DHRSX: variants seen among roughly 807,000 people sequenced by gnomAD.
The protein encoded by DHRSX is polyprenol dehydrogenase.
Under a neutral mutation model 34.0 loss-of-function variants are expected in DHRSX, and 31 were observed. That is an observed-to-expected ratio of 0.91 (90% CI 0.69 to 1.23). DHRSX has a LOEUF of 1.23. Among genes scored for constraint, DHRSX ranks in the 50% most tolerant of loss-of-function variants. DHRSX has a pLI of 0.00. For synonymous variants in DHRSX, 201 were observed against 183.8 expected (o/e 1.09, Z -0.76); for missense variants, 414 against 428.1 (o/e 0.97, Z 0.29).
chrX:2,272,359 G>A (rs1271955673), intron 4 of DHRSX, among the ~76,000 whole-genome samples: 1 of 152,096 alleles, frequency 6.6e-6, no homozygotes, highest in Non-Finnish European at 1.5e-5. Context: ...CCTGGCTTAT[G>A]CATGCATGGT....
intron 3 of DHRSX, among the ~76,000 whole-genome samples, chrX:2,319,991 G>C (rs746297959): frequency 1.2e-3 from 180 of 151,966 alleles, no homozygotes; most frequent in Non-Finnish European, 2.2e-3. Flanking sequence ...ACCATTCCCA[G>C]CTAATTTTTT....
At chrX:2,291,293 G>A (rs1379875802) in intron 4 of DHRSX, among the ~76,000 whole-genome samples, 3 of 152,118 alleles carry the variant, frequency 2.0e-5, no homozygotes, top group Admixed American at 6.6e-5. Flanking sequence ...ATGTTATCGC[G>A]TTTACCATTA....
chrX:2,372,610 TTG>T (rs748399225), intron 3 of DHRSX, among the ~76,000 whole-genome samples: 264 of 84,590 alleles, frequency 3.1e-3, no homozygotes, highest in African/African-American at 0.011. Context: ...TTTTCCTTCT[TTG>T]TTTTTTTTTT....
Position 2,500,873 on chromosome X carries a change from G to A in DHRSX, c.53C>T (p.Ala18Val), listed in dbSNP as rs1304725327. Residue 18 changes from alanine to valine, a missense_variant, in exon 1 of 7, where the codon GCC (alanine) becomes GTC (valine). Physicochemically the swap from Ala to Val is moderately conservative, Grantham distance 64 (BLOSUM62 0). Coordinates refer to ENST00000334651, the MANE Select transcript of DHRSX (RefSeq NM_145177.3). ...CAGCAGCTGCGCCAGGATCACCGCG[G>A]CGCCTACCGCGTAGACCCGCAGGGC... ...RAALRVYAVG[A>V]AVILAQLLRR... 5.2e-6 allele frequency: 6 copies of A among 1,158,254 alleles called. No homozygotes were observed. Among genetic ancestry groups the A allele is most frequent in the African/African-American group, 1.7e-5 (1 of 60,508 alleles). The allele number at this position is 1,158,254 out of a possible 1,614,324, so 71.7% of individuals were successfully genotyped here.
intron 1 of DHRSX, among the ~76,000 whole-genome samples, chrX:2,443,867 G>A (rs1268826067): frequency 1.3e-5 from 2 of 152,116 alleles, no homozygotes; most frequent in Admixed American, 1.3e-4. Flanking sequence ...TTAGCCGGGT[G>A]TGGTGGCGGA....
intron 3 of DHRSX, among the ~76,000 whole-genome samples, chrX:2,341,356 G>A (rs1367754110): frequency 6.6e-6 from 1 of 152,094 alleles, no homozygotes; most frequent in East Asian, 1.9e-4. Context: ...AAATCGAGGT[G>A]CCTACAGGGA....
intron 3 of DHRSX, among the ~76,000 whole-genome samples, chrX:2,299,053 C>T (rs187632597): frequency 4.0e-5 from 6 of 150,162 alleles, no homozygotes; most frequent in Admixed American, 2.0e-4. Context: ...TCATTGTCTG[C>T]GACAAATCCA....
At chrX:2,262,492 A>C (rs2041377318) in intron 5 of DHRSX, among the ~76,000 whole-genome samples, 2 of 152,102 alleles carry the variant, frequency 1.3e-5, no homozygotes, top group South Asian at 2.1e-4. Flanking sequence ...CCACAGGTAC[A>C]CACAACTCAC....
intron 3 of DHRSX, among the ~76,000 whole-genome samples, chrX:2,312,291 C>G (rs2042173284): frequency 6.6e-6 from 1 of 152,052 alleles, no homozygotes; most frequent in Non-Finnish European, 1.5e-5. Flanking sequence ...GTCACAGTAG[C>G]TTAAAATAAC....
At position 2,266,849 on chromosome X, in the gene DHRSX, A is replaced by G. The variant is rs371740082; in HGVS notation, c.487T>C (p.Leu163=). The part of the protein sequence containing the change: ...LGHFLLTNLL[L]DTLKESGSPG... ...GACCCAGACTCTTTCAGCGTATCCA[A>G]GAGAAGGTTGGTCAGCAGGAAGTGC... The change falls in exon 5 of 7, where the codon TTG becomes CTG. Residue 163 remains leucine, a synonymous_variant. Coordinates refer to ENST00000334651, the MANE Select transcript of DHRSX (RefSeq NM_145177.3). 6.2e-7 allele frequency: 1 copy of G among 1,613,958 alleles called. No homozygotes were observed. The highest frequency in any genetic ancestry group is 8.5e-7 in the Non-Finnish European group (1 of 1,179,860).
chrX:2,488,690 A>G (rs2045018984), intron 1 of DHRSX: 10 of 1,613,510 alleles, frequency 6.2e-6, no homozygotes, highest in Non-Finnish European at 8.5e-6. Context: ...GCCATCCCCC[A>G]AGGAGAACAC....
chrX:2,300,988 G>T (rs2042001978), intron 3 of DHRSX, among the ~76,000 whole-genome samples: 1 of 152,140 alleles, frequency 6.6e-6, no homozygotes, highest in African/African-American at 2.4e-5. Context: ...TGTGGACAGG[G>T]TAACAATTCA....
chrX:2,461,495 A>G (rs1244468880), intron 1 of DHRSX, among the ~76,000 whole-genome samples: 3 of 152,216 alleles, frequency 2.0e-5, no homozygotes, highest in African/African-American at 2.4e-5. Flanking sequence ...AAAGAACCCA[A>G]CTGAAATCCC....
chrX:2,284,242 T>G (rs1266688174), intron 4 of DHRSX, among the ~76,000 whole-genome samples: 1 of 152,248 alleles, frequency 6.6e-6, no homozygotes, highest in African/African-American at 2.4e-5. Flanking sequence ...ATTTGTTCAT[T>G]CATTAGAATT....
intron 3 of DHRSX, among the ~76,000 whole-genome samples, chrX:2,383,146 C>T (rs1028974527): frequency 2.0e-5 from 3 of 150,098 alleles, no homozygotes; most frequent in Non-Finnish European, 4.5e-5. Flanking sequence ...ACCATCATGA[C>T]CATCATCATC....
intron 1 of DHRSX, among the ~76,000 whole-genome samples, chrX:2,446,336 G>A (rs1375321412): frequency 6.6e-6 from 1 of 151,092 alleles, no homozygotes; most frequent in South Asian, 2.1e-4. Flanking sequence ...CCCTAAGCAT[G>A]TGGCCAAGGG....
chrX:2,314,737 G>A (rs1472096949), intron 3 of DHRSX, among the ~76,000 whole-genome samples: 1 of 152,004 alleles, frequency 6.6e-6, no homozygotes, highest in Non-Finnish European at 1.5e-5. Context: ...TGACTCCCTA[G>A]ACCCTTTAGA....
At chrX:2,411,199 T>C (rs1448914357) in intron 2 of DHRSX, among the ~76,000 whole-genome samples, 6 of 152,136 alleles carry the variant, frequency 3.9e-5, no homozygotes, top group African/African-American at 1.4e-4. Context: ...ACTTTTTAAA[T>C]GTAAGCACTC....
intron 3 of DHRSX, among the ~76,000 whole-genome samples, chrX:2,406,012 G>A (rs777425777): frequency 3.3e-5 from 5 of 152,094 alleles, no homozygotes; most frequent in Admixed American, 1.3e-4. Context: ...AAAGGTAGTC[G>A]GCCGGGTGCA....
Sources: allele counts gnomAD v4.1 joint callset (sites outside exome capture counted in the v4.1 genomes callset), GRCh38; gene constraint gnomAD v4.1.1; transcripts MANE v1.5; gene names NCBI Gene and HGNC (gene_info 2026-07-23, HGNC 2026-07-21).